KLF9: variants seen among roughly 807,000 people sequenced by gnomAD.
KLF9 encodes the protein KLF transcription factor 9.
Under a neutral mutation model 17.3 loss-of-function variants are expected in KLF9, and 2 were observed. That is an observed-to-expected ratio of 0.12 (90% CI 0.05 to 0.36). KLF9 has a LOEUF of 0.36. KLF9 is among the 10% of genes least tolerant of loss of function. KLF9 has a pLI of 1.00. For synonymous variants in KLF9, 138 were observed against 139.2 expected (o/e 0.99, Z 0.06); for missense variants, 226 against 333.2 (o/e 0.68, Z 2.51).
intron 1 of KLF9, among the ~76,000 whole-genome samples, 178 bp from the exon 2 acceptor site, chr9:70,388,183 A>G (rs1463582087): frequency 1.3e-5 from 2 of 152,178 alleles, no homozygotes; most frequent in Non-Finnish European, 2.9e-5. Context: ...ACAGAAAATG[A>G]CTGCATTTGA....
At chr9:70,409,121 T>C (rs143446915) in intron 1 of KLF9, among the ~76,000 whole-genome samples, 2,619 of 86,056 alleles carry the variant, frequency 0.03, 244 homozygotes, top group South Asian at 0.042. Context: ...TATACATATA[T>C]GTATATATGT....
intron 1 of KLF9, among the ~76,000 whole-genome samples, chr9:70,407,597 T>C (rs959481677): frequency 1.3e-5 from 2 of 152,190 alleles, no homozygotes; most frequent in Middle Eastern, 3.2e-3. Context: ...GGCAGATAGA[T>C]GGAGGATGAC....
Position 70,400,393 on chromosome 9 carries a change from A to G in KLF9, c.506-12388T>C, listed in dbSNP as rs2037213206. Among the ~76,000 whole-genome samples the G allele has an allele frequency of 2.0e-5, 3 of 152,238 alleles. No homozygotes were observed. The South Asian group carries it at 6.2e-4, about 32-fold the overall frequency. On this transcript the variant is annotated intron_variant, in intron 1 of 1. Coordinates refer to ENST00000377126, the MANE Select transcript of KLF9 (RefSeq NM_001206.4). ...AGCATGCAACATGGATGGCTCTCCC[A>G]CGAGGCTGAAACAAGAGATGAGCCC...
intron 1 of KLF9, among the ~76,000 whole-genome samples, chr9:70,396,120 T>C (rs59362921): frequency 6.6e-6 from 1 of 152,124 alleles, no homozygotes; most frequent in Non-Finnish European, 1.5e-5. Flanking sequence ...TACCGACCAC[T>C]GGTGGAGGCA....
At chr9:70,389,730 G>A (rs1475878952) in intron 1 of KLF9, among the ~76,000 whole-genome samples, 3 of 152,202 alleles carry the variant, frequency 2.0e-5, no homozygotes, top group Non-Finnish European at 4.4e-5. Context: ...AAGCAGACGA[G>A]CTGTTGAAGA....
At position 70,413,878 on chromosome 9, in the gene KLF9, C is replaced by CT. The variant is rs981310573; in HGVS notation, c.-516dup. On this transcript the variant is annotated 5_prime_UTR_variant, in exon 1 of 2. The change abolishes the stop of an existing upstream ORF in the 5' untranslated region. Coordinates refer to ENST00000377126, the MANE Select transcript of KLF9 (RefSeq NM_001206.4). The surrounding 1 kb of genome is among the most constrained non-coding windows in gnomAD (Gnocchi z 5.6). ...CGCCGAGCGCCAGGTCTAAGAGACA[C>CT]TTTTTCCCGAGTCCACTGACGGCTT... 3.9e-5 allele frequency: 6 copies of CT among 152,726 alleles called. No individual in the cohort carries two copies. The highest frequency in any genetic ancestry group is 1.4e-4 in the African/African-American group (6 of 41,464). The allele number at this position is 152,726 out of a possible 1,614,324, so 9.5% of individuals were successfully genotyped here. A position where few individuals can be genotyped will look rare whatever the true frequency, so the allele number is the denominator to read the frequency against.
chr9:70,404,008 C>G (rs1204567445), intron 1 of KLF9, among the ~76,000 whole-genome samples: 1 of 152,136 alleles, frequency 6.6e-6, no homozygotes, highest in Non-Finnish European at 1.5e-5. Context: ...AGCAAGCATT[C>G]ATGCCCAACT....
chr9:70,396,180 G>A (rs947624476), intron 1 of KLF9, among the ~76,000 whole-genome samples: 3 of 151,900 alleles, frequency 2.0e-5, no homozygotes, highest in African/African-American at 7.3e-5. Flanking sequence ...ATTAATCCAG[G>A]GCCATCTGGC....
At chr9:70,394,002 G>A (rs1408483559) in intron 1 of KLF9, among the ~76,000 whole-genome samples, 1 of 138,030 alleles carries the variant, frequency 7.2e-6, no homozygotes, top group African/African-American at 2.7e-5. Flanking sequence ...GCCTGGGTGA[G>A]AGTGAGACTG....
intron 1 of KLF9, among the ~76,000 whole-genome samples, chr9:70,412,056 T>C (rs1809202479): frequency 6.6e-6 from 1 of 151,996 alleles, no homozygotes; most frequent in Non-Finnish European, 1.5e-5. Flanking sequence ...TCACCCTCCC[T>C]GGGAGGAACT....
rs935317660 is a variant in KLF9, at chr9:70,385,413, AG to A, written c.*2362del. 2 of 152,680 alleles carry A rather than the reference AG, an allele frequency of 1.3e-5. No individual in the cohort carries two copies. Among genetic ancestry groups the A allele is most frequent in the African/African-American group, 4.8e-5 (2 of 41,470 alleles). 9.5% of individuals were successfully genotyped at this position (152,680 alleles called of 1,614,324 possible). On this transcript the variant is annotated 3_prime_UTR_variant, in exon 2 of 2. Transcript: ENST00000377126. ...TGTTTGTCAACAACTTGAAAAGGCA[AG>A]TAACAACTTTTTTGGGAAGTAAATT...
In KLF9 at chr9:70,405,839, G is replaced by A. The variant is rs1007361157; in HGVS notation, c.505+7020C>T. Among the ~76,000 whole-genome samples the A allele has an allele frequency of 2.0e-5, 3 of 152,226 alleles. No individual in the cohort carries two copies. The South Asian group carries it at 6.2e-4, about 32-fold the overall frequency. ...ATGTTAGTCCTATTATTTGCTGAGG[G>A]GACTGCTTGACACTGGGATAAAACA... is the stretch of plus-strand genomic sequence containing the variant. On this transcript the variant is annotated intron_variant, in intron 1 of 1. Coordinates refer to ENST00000377126, the MANE Select transcript of KLF9 (RefSeq NM_001206.4).
chr9:70,406,980 T>A (rs1213610343), intron 1 of KLF9, among the ~76,000 whole-genome samples: 1 of 148,778 alleles, frequency 6.7e-6, no homozygotes. Flanking sequence ...TAATGAAGAA[T>A]GCTAATGATC....
At chr9:70,412,294 C>T (rs1302500405) in intron 1 of KLF9, among the ~76,000 whole-genome samples, 3 of 151,196 alleles carry the variant, frequency 2.0e-5, no homozygotes, top group Admixed American at 1.3e-4. Context: ...CCTATGCTGC[C>T]TGAAGCCGGG....
At chr9:70,407,389 C>G (rs1451091278) in intron 1 of KLF9, among the ~76,000 whole-genome samples, 1 of 152,196 alleles carries the variant, frequency 6.6e-6, no homozygotes, top group African/African-American at 2.4e-5. Flanking sequence ...TGTATTTACT[C>G]TGGTACCTCC....
At chr9:70,412,795 G>A (rs1294287179) in intron 1 of KLF9, 64 bp downstream of exon 1, 1 of 1,492,222 alleles carries the variant, frequency 6.7e-7, no homozygotes. Flanking sequence ...GAACGCCCAG[G>A]AACGCTGCCT....
intron 1 of KLF9, among the ~76,000 whole-genome samples, chr9:70,402,664 T>C (rs1360509327): frequency 2.0e-5 from 3 of 152,184 alleles, no homozygotes; most frequent in Non-Finnish European, 4.4e-5. Context: ...GTAATACCTG[T>C]CAAAATCATC....
chr9:70,408,103 G>A (rs1313194889), intron 1 of KLF9, among the ~76,000 whole-genome samples: 2 of 152,214 alleles, frequency 1.3e-5, no homozygotes, highest in Non-Finnish European at 2.9e-5. Context: ...GCCAGGCGCA[G>A]TGGCTCACAC....
In KLF9 at chr9:70,390,899, C is replaced by A. The variant is rs73649103; in HGVS notation, c.506-2894G>T. Among the ~76,000 whole-genome samples, 36 of 152,264 alleles carry A rather than the reference C, an allele frequency of 2.4e-4. No individual in the cohort carries two copies. In the East Asian group the frequency reaches 6.6e-3, roughly 28 times the overall value. ...AAAGCCAAACCAAACCAAAACAAAA[C>A]GCCCTCTCTGCTCGGTCCTTTTTGG... On this transcript the variant is annotated intron_variant, in intron 1 of 1. Transcript: ENST00000377126.
Sources: gnomAD v4.1 joint callset for allele counts (sites outside exome capture counted in the v4.1 genomes callset) on GRCh38, gnomAD v4.1.1 for gene constraint, Gnocchi (gnomAD v3.1) non-coding constraint, MANE v1.5 for transcripts, NCBI Gene and HGNC (gene_info 2026-07-23, HGNC 2026-07-21) for gene names.